GRIN2B: variants seen among roughly 807,000 people sequenced by gnomAD.
The protein encoded by GRIN2B is glutamate ionotropic receptor NMDA type subunit 2B.
Under a neutral mutation model 114.5 loss-of-function variants are expected in GRIN2B, and 5 were observed. The observed-to-expected ratio is 0.04, with a 90% CI of 0.02 to 0.09. The LOEUF (loss-of-function observed/expected upper bound fraction) is 0.09, where lower values mean the gene tolerates loss of function less well. GRIN2B is among the 10% of genes least tolerant of loss of function. The probability of loss-of-function intolerance (pLI) is 1.00; values close to 1 mark genes in which losing one functional copy is unlikely to be tolerated. For synonymous variants in GRIN2B, 787 were observed against 745.1 expected (o/e 1.06, Z -0.92); for missense variants, 1,108 against 1,943.5 (o/e 0.57, Z 8.08).
At chr12:13,630,453 T>C (rs182046651) in intron 5 of GRIN2B, among the ~76,000 whole-genome samples, 52 of 152,362 alleles carry the variant, frequency 3.4e-4, no homozygotes, top group Middle Eastern at 3.4e-3. Context: ...GTGACTTGCT[T>C]TGCCCAATAG....
At chr12:13,639,934 C>T (rs1949699182) in intron 5 of GRIN2B, among the ~76,000 whole-genome samples, 1 of 152,040 alleles carries the variant, frequency 6.6e-6, no homozygotes, top group South Asian at 2.1e-4. Context: ...CTTCTTTTTA[C>T]ACTTTTAGAG....
chr12:13,959,674 C>A lies in GRIN2B; in HGVS notation c.-19+20254G>T, dbSNP rs188199454. Among the ~76,000 whole-genome samples, 10 of 151,874 alleles carry A rather than the reference C, an allele frequency of 6.6e-5. No individual in the cohort carries two copies. The East Asian group carries it at 1.9e-3, about 29-fold the overall frequency. ...TGGAAACTGGTGCCAGGACAGTGTG[C>A]CACTGGCAACCATAGAAATGTGTTG... is the stretch of plus-strand genomic sequence containing the variant. On this transcript the variant is annotated intron_variant, in intron 2 of 13. Coordinates refer to ENST00000609686, the MANE Select transcript of GRIN2B (RefSeq NM_000834.5).
Position 13,804,310 on chromosome 12 carries a change from A to G in GRIN2B, c.412-50395T>C, listed in dbSNP as rs1032307539. Among the ~76,000 whole-genome samples, 7 of 151,374 alleles carry G rather than the reference A, an allele frequency of 4.6e-5. No individual in the cohort carries two copies. In the East Asian group the frequency reaches 1.4e-3, roughly 29 times the overall value. On this transcript the variant is annotated intron_variant, in intron 3 of 13. Coordinates refer to ENST00000609686, the MANE Select transcript of GRIN2B (RefSeq NM_000834.5). Reference sequence around the variant, plus strand: ...TCACTCTCTGCTCTTCTCACTTCCCAGGGAGATCAGTGGTTTGTTAGTGTT... The same window carrying G: ...TCACTCTCTGCTCTTCTCACTTCCCGGGGAGATCAGTGGTTTGTTAGTGTT...
intron 10 of GRIN2B, among the ~76,000 whole-genome samples, chr12:13,587,831 A>G (rs1011184705): frequency 6.6e-6 from 1 of 152,232 alleles, no homozygotes; most frequent in African/African-American, 2.4e-5. Context: ...TTTGATTTGT[A>G]ACAGATATTT....
intron 5 of GRIN2B, among the ~76,000 whole-genome samples, chr12:13,645,573 A>G (rs1358045998): frequency 6.6e-6 from 1 of 152,110 alleles, no homozygotes; most frequent in African/African-American, 2.4e-5. Context: ...TAAAAAACAC[A>G]GTGTCTGTGA....
intron 2 of GRIN2B, among the ~76,000 whole-genome samples, chr12:13,877,686 TGAAATAAGA>T (rs1203466592): frequency 1.3e-5 from 2 of 152,114 alleles, no homozygotes; most frequent in African/African-American, 4.8e-5. Context: ...TCCTGATCTC[TGAAATAAGA>T]GAAATGAACT....
chr12:13,724,387 G>A (rs1591697552), intron 4 of GRIN2B, among the ~76,000 whole-genome samples: 1 of 152,126 alleles, frequency 6.6e-6, no homozygotes, highest in African/African-American at 2.4e-5. Context: ...TTAGACTGGA[G>A]GTAGAATGGG....
chr12:13,542,857 GT>G lies in GRIN2B; in HGVS notation c.*19925del, dbSNP rs1177608653. The stretch of plus-strand genomic sequence containing the variant: ...TTTGAGGACCCTGAATCACTCCCAG[GT>G]GGTGAGCATTTCCACTTGCACCTTC... On this transcript the variant is annotated 3_prime_UTR_variant, in exon 14 of 14. Coordinates refer to ENST00000609686, the MANE Select transcript of GRIN2B (RefSeq NM_000834.5). The G allele has an allele frequency of 6.6e-6, 1 of 152,062 alleles. No individual in the cohort carries two copies. The highest frequency in any genetic ancestry group is 2.4e-5 in the African/African-American group (1 of 41,344). The allele number at this position is 152,062 out of a possible 1,614,324, so 9.4% of individuals were successfully genotyped here. A position where few individuals can be genotyped will look rare whatever the true frequency, so the allele number is the denominator to read the frequency against.
At chr12:13,762,160 C>G (rs960601867) in intron 3 of GRIN2B, among the ~76,000 whole-genome samples, 1 of 152,066 alleles carries the variant, frequency 6.6e-6, no homozygotes, top group Non-Finnish European at 1.5e-5. Context: ...CCCGCCACCA[C>G]GACCGGCTAA....
At chr12:13,745,390 T>C (rs1327548283) in intron 4 of GRIN2B, among the ~76,000 whole-genome samples, 1 of 152,210 alleles carries the variant, frequency 6.6e-6, no homozygotes, top group Non-Finnish European at 1.5e-5. Flanking sequence ...TGCATCCTTG[T>C]CTAGGTAAGA....
chr12:13,713,053 A>G (rs1258062768), intron 4 of GRIN2B, among the ~76,000 whole-genome samples: 1 of 151,964 alleles, frequency 6.6e-6, no homozygotes, highest in Non-Finnish European at 1.5e-5. Context: ...CACCAAGCAT[A>G]AGATGAGATA....
At chr12:13,806,008 A>T (rs1013678784) in intron 3 of GRIN2B, among the ~76,000 whole-genome samples, 1 of 152,138 alleles carries the variant, frequency 6.6e-6, no homozygotes, top group Admixed American at 6.6e-5. Flanking sequence ...TGCTTACTTC[A>T]CTTAGCAAAA....
At chr12:13,659,033 G>A (rs566341333) in intron 5 of GRIN2B, among the ~76,000 whole-genome samples, 6 of 152,040 alleles carry the variant, frequency 3.9e-5, no homozygotes, top group East Asian at 1.9e-4. Context: ...TTCTGTTCTC[G>A]TTAGAAACTC....
At chr12:13,621,620 T>TTG (rs1949516765) in intron 5 of GRIN2B, among the ~76,000 whole-genome samples, 1 of 145,208 alleles carries the variant, frequency 6.9e-6, no homozygotes, top group Admixed American at 6.8e-5. Flanking sequence ...TTTGTTTTTT[T>TTG]TTTTTTTTTT....
chr12:13,791,148 T>A (rs750692401), intron 3 of GRIN2B, among the ~76,000 whole-genome samples: 7 of 152,228 alleles, frequency 4.6e-5, no homozygotes, highest in Non-Finnish European at 8.8e-5. Context: ...AAGTAGAATA[T>A]GTTTATGACA....
intron 4 of GRIN2B, among the ~76,000 whole-genome samples, chr12:13,708,934 C>A (rs898662278): frequency 6.6e-6 from 1 of 152,012 alleles, no homozygotes; most frequent in Non-Finnish European, 1.5e-5. Flanking sequence ...AGCTTAAATT[C>A]TAATGGTGGT....
intron 3 of GRIN2B, among the ~76,000 whole-genome samples, chr12:13,804,700 G>C (rs1176232731): frequency 2.0e-5 from 3 of 152,090 alleles, no homozygotes; most frequent in African/African-American, 7.2e-5. Flanking sequence ...GTTTCTCATA[G>C]AGATTTATAT....
At chr12:13,810,724 C>T (rs575907806) in intron 3 of GRIN2B, among the ~76,000 whole-genome samples, 4 of 152,330 alleles carry the variant, frequency 2.6e-5, no homozygotes, top group Admixed American at 6.5e-5. Flanking sequence ...ATAGTTATTG[C>T]ACTTCTAATG....
At chr12:13,613,292 G>A (rs1008923184) in intron 8 of GRIN2B, among the ~76,000 whole-genome samples, 10 of 152,270 alleles carry the variant, frequency 6.6e-5, no homozygotes, top group Non-Finnish European at 1.3e-4. Context: ...TAGGCCCAGG[G>A]AAACTTTCTA....
Sources: allele counts gnomAD v4.1 joint callset (sites outside exome capture counted in the v4.1 genomes callset), GRCh38; gene constraint gnomAD v4.1.1; transcripts MANE v1.5; gene names NCBI Gene and HGNC (gene_info 2026-07-23, HGNC 2026-07-21).